Variants in GPR161 observed in about 807,000 individuals in gnomAD.
The protein encoded by GPR161 is G-protein coupled receptor RE2.
Under a neutral mutation model 39.2 loss-of-function variants are expected in GPR161, and 25 were observed. The ratio of observed to expected loss-of-function variants is 0.64; its 90% CI spans 0.47 to 0.89. GPR161 has a LOEUF of 0.89. Ranked by LOEUF, GPR161 falls within the 40% of genes least tolerant of loss-of-function variation. The pLI, the probability that GPR161 is intolerant of heterozygous loss-of-function variation, is 0.00. For synonymous variants in GPR161, 286 were observed against 276.6 expected, an observed-to-expected ratio of 1.03 and a Z score of -0.34; for missense variants, 547 against 677.8, an observed-to-expected ratio of 0.81 and a Z score of 2.14.
At chr1:168,086,798 C>T (rs1386536277) in intron 5 of GPR161, among the ~76,000 whole-genome samples, 1 of 152,234 alleles carries the variant, frequency 6.6e-6, no homozygotes, top group African/African-American at 2.4e-5. Context: ...CTGTTTTCCA[C>T]CTCTGACCTC....
chr1:168,136,078 G>C (rs539501726), intron 1 of GPR161: 2 of 1,255,644 alleles, frequency 1.6e-6, no homozygotes, highest in South Asian at 6.3e-5. Context: ...GGCCCAGAAG[G>C]CGCCGAGGGC....
Position 168,097,114 on chromosome 1 carries a change from C to G in GPR161, c.493G>C (p.Gly165Arg). 6.2e-7 allele frequency: 1 copy of G among 1,613,956 alleles called. No individual in the cohort carries two copies. The highest frequency in any genetic ancestry group is 8.5e-7 in the Non-Finnish European group (1 of 1,180,020). The change falls in exon 3 of 6, where the codon GGT becomes CGT. Residue 165 changes from glycine to arginine, a missense_variant. Transcript: ENST00000682931. ...SLIGCLPPLF[G>R]WSSVEFDEFK... ...TCGTCAAACTCCACGGATGACCAAC[C>G]AAACAGGGGTGGCAGGCAGCCGATG...
At chr1:168,093,866 C>T (rs1695285908) in intron 3 of GPR161, among the ~76,000 whole-genome samples, 1 of 152,200 alleles carries the variant, frequency 6.6e-6, no homozygotes, top group African/African-American at 2.4e-5. Flanking sequence ...TGCTTTGGTT[C>T]CCAGACTCTT....
Position 168,084,669 on chromosome 1 carries a change from A to G in GPR161, c.*862T>C, listed in dbSNP as rs1694303073. The G allele has an allele frequency of 2.7e-6, 1 of 369,692 alleles. No individual in the cohort carries two copies. Among genetic ancestry groups the G allele is most frequent in the African/African-American group, 2.1e-5 (1 of 46,952 alleles). 22.9% of individuals were successfully genotyped at this position (369,692 alleles called of 1,614,324 possible). ...TATTTAATGAGGCTTTCCCATGTGA[A>G]CAAATTCCCTTCCATAATAACAGTT... On this transcript the variant is annotated 3_prime_UTR_variant, in exon 6 of 6. Transcript: ENST00000682931.
rs369148477 is a variant in GPR161 at position 168,081,255 on chromosome 1, A to T, written c.*4276T>A. 86 of 152,200 alleles carry T rather than the reference A, an allele frequency of 5.7e-4. 1 individual carries two copies. Among genetic ancestry groups the T allele is most frequent in the African/African-American group, 2.0e-3 (83 of 41,502 alleles). 9.4% of individuals were successfully genotyped at this position (152,200 alleles called of 1,614,324 possible). ...ACTTAGCCTTTCCTCCCTGCTCTCT[A>T]TTGCCTGCTCTTCCTCACCACATCC... On this transcript the variant is annotated 3_prime_UTR_variant, in exon 6 of 6. Transcript: ENST00000682931.
At chr1:168,123,537 TAC>T (rs10534836) in intron 1 of GPR161, among the ~76,000 whole-genome samples, 6,549 of 138,048 alleles carry the variant, frequency 0.047, 189 homozygotes, top group African/African-American at 0.099. Flanking sequence ...TGCACATACA[TAC>T]ACACACACAC....
In GPR161 at chr1:168,084,791, A is replaced by C. The variant is rs1694315427; in HGVS notation, c.*740T>G. ...GATTTTTTTTTTAATTCTGGAAATG[A>C]AACACCTAGTACCTGCCCTTCCTCT... On this transcript the variant is annotated 3_prime_UTR_variant, in exon 6 of 6. Coordinates refer to ENST00000682931, the MANE Select transcript of GPR161 (RefSeq NM_001375883.1). 2 of 453,210 alleles carry C rather than the reference A, an allele frequency of 4.4e-6. No homozygotes were observed. The highest frequency in any genetic ancestry group is 4.8e-5 in the Admixed American group (2 of 41,816). The allele number at this position is 453,210 out of a possible 1,614,324, so 28.1% of individuals were successfully genotyped here.
intron 1 of GPR161, among the ~76,000 whole-genome samples, chr1:168,121,553 A>G (rs1246748816): frequency 6.6e-6 from 1 of 152,142 alleles, no homozygotes; most frequent in African/African-American, 2.4e-5. Context: ...AAAATCCACA[A>G]GCAACTAGCA....
Position 168,136,569 on chromosome 1 carries a change from C to T in GPR161, c.-45+170G>A, listed in dbSNP as rs6697221. 1.1e-3 allele frequency: 1,318 copies of T among 1,243,924 alleles called. 13 individuals are homozygous for T. In the African/African-American group the frequency reaches 0.017, roughly 16 times the overall value. 77.1% of individuals were successfully genotyped at this position (1,243,924 alleles called of 1,614,324 possible). On this transcript the variant is annotated intron_variant, in intron 1 of 5. Transcript: ENST00000682931. ...AGCAAGGCGCAGTGCGGGCGGAGGA[C>T]AGCCCTGACCTCCGAGAGGGGCGCG... is the stretch of plus-strand genomic sequence containing the variant.
chr1:168,115,311 T>G (rs1697530561), intron 1 of GPR161, among the ~76,000 whole-genome samples: 1 of 152,254 alleles, frequency 6.6e-6, no homozygotes, highest in South Asian at 2.1e-4. Context: ...ATATTCTGAT[T>G]TATCATGATC....
At position 168,085,047 on chromosome 1, in the gene GPR161, G is replaced by A. The variant is rs1346075243; in HGVS notation, c.*484C>T. 8 of 456,320 alleles carry A rather than the reference G, an allele frequency of 1.8e-5. No individual in the cohort carries two copies. The highest frequency in any genetic ancestry group is 3.1e-5 in the Non-Finnish European group (7 of 227,100). The allele number at this position is 456,320 out of a possible 1,614,324, so 28.3% of individuals were successfully genotyped here. A position where few individuals can be genotyped will look rare whatever the true frequency, so the allele number is the denominator to read the frequency against. On this transcript the variant is annotated 3_prime_UTR_variant, in exon 6 of 6. Transcript: ENST00000682931. ...ATCAACCATGTAGAGGCACCAGGAC[G>A]GTCGCGTGTCATTAGGAAGAAGTGC... is the stretch of plus-strand genomic sequence containing the variant.
intron 3 of GPR161, among the ~76,000 whole-genome samples, chr1:168,093,337 C>T (rs1695239372): frequency 6.6e-6 from 1 of 152,142 alleles, no homozygotes; most frequent in South Asian, 2.1e-4. Flanking sequence ...AGATTTTGTA[C>T]TTCCTCACTT....
At chr1:168,123,537 T>TACACAC (rs10534836) in intron 1 of GPR161, among the ~76,000 whole-genome samples, 4,651 of 138,130 alleles carry the variant, frequency 0.034, 135 homozygotes, top group African/African-American at 0.073. Context: ...TGCACATACA[T>TACACAC]ACACACACAC....
chr1:168,132,594 A>G (rs1035020282), intron 1 of GPR161, among the ~76,000 whole-genome samples: 1 of 152,000 alleles, frequency 6.6e-6, no homozygotes, highest in African/African-American at 2.4e-5. Context: ...TCTCAAAAAA[A>G]AAAAAAAGAA....
In GPR161 at chr1:168,119,201, TATATATATGTATAC is replaced by T. The variant is rs1344721338; in HGVS notation, c.-44-14321_-44-14308del. Among the ~76,000 whole-genome samples, 8 of 111,774 alleles carry T rather than the reference TATATATATGTATAC, an allele frequency of 7.2e-5. 1 individual carries two copies. Among genetic ancestry groups the T allele is most frequent in the African/African-American group, 3.2e-4 (8 of 24,826 alleles). The allele number at this position is 111,774 out of a possible 152,430, so 73.3% of individuals were successfully genotyped here. A position where few individuals can be genotyped will look rare whatever the true frequency, so the allele number is the denominator to read the frequency against. ...AAGCAACCCAAATCTCCATCATATA[TATATATATGTATAC>T]ATATATATATACGTATATATATATA... is the stretch of plus-strand genomic sequence containing the variant. On this transcript the variant is annotated intron_variant, in intron 1 of 5. Coordinates refer to ENST00000682931, the MANE Select transcript of GPR161 (RefSeq NM_001375883.1).
chr1:168,132,412 C>A (rs1210265095), intron 1 of GPR161, among the ~76,000 whole-genome samples: 1 of 151,390 alleles, frequency 6.6e-6, no homozygotes, highest in Non-Finnish European at 1.5e-5. Context: ...ACGGTGAAAC[C>A]CCGTCTCTAC....
chr1:168,107,371 T>G (rs961570620), intron 1 of GPR161, among the ~76,000 whole-genome samples: 9 of 152,192 alleles, frequency 5.9e-5, no homozygotes, highest in Admixed American at 2.6e-4. Flanking sequence ...GGTGACTGGG[T>G]GATGAGGGCT....
intron 1 of GPR161, among the ~76,000 whole-genome samples, chr1:168,109,647 TA>T (rs1696933225): frequency 6.6e-6 from 1 of 152,166 alleles, no homozygotes; most frequent in East Asian, 1.9e-4. Context: ...AATCAAACAT[TA>T]AGACATGCTA....
Position 168,083,100 on chromosome 1 carries a change from A to G in GPR161, c.*2431T>C, listed in dbSNP as rs1301749991. Reference sequence around the variant, plus strand: ...TCTATAACCACGACTTGACTTTGCTAGTTATTAGAATCGGTATCCACAGGT... The same window carrying G: ...TCTATAACCACGACTTGACTTTGCTGGTTATTAGAATCGGTATCCACAGGT... On this transcript the variant is annotated 3_prime_UTR_variant, in exon 6 of 6. Coordinates refer to ENST00000682931, the MANE Select transcript of GPR161 (RefSeq NM_001375883.1). 1 of 152,176 alleles carries G rather than the reference A, an allele frequency of 6.6e-6. No individual in the cohort carries two copies. The highest frequency in any genetic ancestry group is 1.5e-5 in the Non-Finnish European group (1 of 68,042). The allele number at this position is 152,176 out of a possible 1,614,324, so 9.4% of individuals were successfully genotyped here.
Sources: gnomAD v4.1 joint callset for allele counts (sites outside exome capture counted in the v4.1 genomes callset) on GRCh38, gnomAD v4.1.1 for gene constraint, MANE v1.5 for transcripts, NCBI Gene and HGNC (gene_info 2026-07-23, HGNC 2026-07-21) for gene names.